The following SLCO1A2 variants were observed in gnomAD, a reference collection of about 807,000 sequenced individuals.
SLCO1A2 encodes OATP-1.
In SLCO1A2, 67 loss-of-function variants were observed where a neutral mutation model predicts 69.0. The ratio of observed to expected loss-of-function variants is 0.97; its 90% CI spans 0.80 to 1.19. The LOEUF (loss-of-function observed/expected upper bound fraction) is 1.19, where lower values mean the gene tolerates loss of function less well. Ranked by LOEUF, SLCO1A2 falls within the 50% of genes most tolerant of loss-of-function variation. The pLI is 0.00. For missense variants in SLCO1A2, 787 were observed against 793.7 expected, an observed-to-expected ratio of 0.99 and a Z score of 0.10; for synonymous variants, 260 against 265.9, an observed-to-expected ratio of 0.98 and a Z score of 0.22.
At chr12:21,270,634 T>C (rs1356545244) in intron 14 of SLCO1A2, among the ~76,000 whole-genome samples, 1 of 151,728 alleles carries the variant, frequency 6.6e-6, no homozygotes, top group African/African-American at 2.4e-5. Context: ...CCTTGGGAGA[T>C]GAGCACTTTT....
intron 7 of SLCO1A2, 111 bp downstream of exon 7, chr12:21,301,060 A>G (rs1948649502): frequency 3.6e-6 from 2 of 560,238 alleles, no homozygotes; most frequent in Non-Finnish European, 5.9e-6. Flanking sequence ...CTTTTAAAGT[A>G]GAGATCATTT....
chr12:21,369,584 A>T (rs1467849768), intron 2 of SLCO1A2, among the ~76,000 whole-genome samples: 2 of 152,236 alleles, frequency 1.3e-5, no homozygotes, highest in African/African-American at 4.8e-5. Flanking sequence ...GAGATATCAC[A>T]TATTATTCCA....
At chr12:21,365,551 A>T (rs1347807020) in intron 2 of SLCO1A2, among the ~76,000 whole-genome samples, 1 of 152,136 alleles carries the variant, frequency 6.6e-6, no homozygotes, top group Non-Finnish European at 1.5e-5. Context: ...ACAAATGGGA[A>T]CTAATTGAAC....
upstream of SLCO1A2, among the ~76,000 whole-genome samples, chr12:21,418,241 A>T (rs746788591): frequency 6.6e-6 from 1 of 152,208 alleles, no homozygotes; most frequent in Non-Finnish European, 1.5e-5. Flanking sequence ...TCCTGTCTGC[A>T]GAAAAATGTT....
chr12:21,376,952 T>C, intron 1 of SLCO1A2, among the ~76,000 whole-genome samples: 1 of 152,156 alleles, frequency 6.6e-6, no homozygotes, highest in East Asian at 1.9e-4. Flanking sequence ...GAGGAAGCAA[T>C]GTTATTATTC....
At chr12:21,323,666 G>A (rs1372770851) in intron 2 of SLCO1A2, among the ~76,000 whole-genome samples, 1 of 152,166 alleles carries the variant, frequency 6.6e-6, no homozygotes, top group African/African-American at 2.4e-5. Flanking sequence ...AGAAGGCTTT[G>A]TCACAAGGTA....
chr12:21,276,341 A>C (rs1943818369), intron 12 of SLCO1A2, among the ~76,000 whole-genome samples: 1 of 151,934 alleles, frequency 6.6e-6, no homozygotes. Flanking sequence ...ACATATACAT[A>C]TATACCTATC....
intron 1 of SLCO1A2, among the ~76,000 whole-genome samples, chr12:21,376,051 C>A (rs1940171890): frequency 6.6e-6 from 1 of 152,126 alleles, no homozygotes; most frequent in Admixed American, 6.5e-5. Context: ...AAAGCAATTT[C>A]ACAAATATGA....
At chr12:21,274,984 T>TATC (rs1943533388) in intron 13 of SLCO1A2, 1 of 1,024,824 alleles carries the variant, frequency 9.8e-7, no homozygotes, top group Admixed American at 5.1e-5. Context: ...AGAGATTCTC[T>TATC]ATCTCTTTGT....
At chr12:21,299,276 C>A (rs1016238470) in intron 8 of SLCO1A2, among the ~76,000 whole-genome samples, 1 of 152,052 alleles carries the variant, frequency 6.6e-6, no homozygotes, top group East Asian at 1.9e-4. Flanking sequence ...AGCATCAGTG[C>A]TCTTGAGTAC....
At chr12:21,378,668 G>A (rs1469793742) in intron 1 of SLCO1A2, 7 of 431,556 alleles carry the variant, frequency 1.6e-5, no homozygotes, top group African/African-American at 5.9e-5. Context: ...ACATAAGAAC[G>A]TCATTTTGGG....
rs138842745 is a variant in SLCO1A2, at chr12:21,417,012, G to A, written c.-312+870C>T. On this transcript the variant is annotated intron_variant, in intron 1 of 4. Transcript: ENST00000413682. ...TTTGAACTCAGTGATTGAGAATGTT[G>A]AGTCTTTGAACCTACTGATCTAGAA... Among the ~76,000 whole-genome samples the A allele has an allele frequency of 3.3e-3, 500 of 152,208 alleles. 3 individuals carry two copies. Among genetic ancestry groups the A allele is most frequent in the African/African-American group, 0.011 (457 of 41,538 alleles).
intron 1 of SLCO1A2, among the ~76,000 whole-genome samples, chr12:21,412,152 G>A (rs764378775): frequency 6.6e-6 from 1 of 152,144 alleles, no homozygotes; most frequent in Non-Finnish European, 1.5e-5. Context: ...AGGCCAAGGC[G>A]GGCGGATCAC....
intron 1 of SLCO1A2, among the ~76,000 whole-genome samples, chr12:21,416,639 A>C (rs1941993996): frequency 6.6e-6 from 1 of 151,926 alleles, no homozygotes; most frequent in South Asian, 2.1e-4. Flanking sequence ...ACAGGGTCTC[A>C]TGACATCGGA....
rs900549268 is a variant in SLCO1A2 at position 21,275,219 on chromosome 12, G to T, written c.1675+141C>A. 9 of 848,270 alleles carry T rather than the reference G, an allele frequency of 1.1e-5. No individual in the cohort carries two copies. The African/African-American group carries it at 1.6e-4, about 15-fold the overall frequency. 52.5% of individuals were successfully genotyped at this position (848,270 alleles called of 1,614,324 possible). On this transcript the variant is annotated intron_variant, in intron 13 of 14. Transcript: ENST00000683939. ...AATGTTAAATGATGAGTTAATGGGTGCAGCACACCAACATGGCACATGTAT... is the reference window on the plus strand; with the variant it reads ...AATGTTAAATGATGAGTTAATGGGTTCAGCACACCAACATGGCACATGTAT...
chr12:21,379,539 C>T (rs1940453250), intron 1 of SLCO1A2: 1 of 152,128 alleles, frequency 6.6e-6, no homozygotes, highest in African/African-American at 2.4e-5. Context: ...ACATTTCTGG[C>T]AGAGGTTATG....
At chr12:21,306,735 C>T (rs1405333579) in intron 5 of SLCO1A2, 147 bp downstream of exon 5, 8 of 522,700 alleles carry the variant, frequency 1.5e-5, no homozygotes, top group Non-Finnish European at 2.7e-5. Context: ...TTCTTATTGC[C>T]CATTGTAACT....
chr12:21,351,327 T>C (rs1231762335), intron 2 of SLCO1A2, among the ~76,000 whole-genome samples: 1 of 152,232 alleles, frequency 6.6e-6, no homozygotes, highest in Non-Finnish European at 1.5e-5. Context: ...TTTCTCCAAG[T>C]GTGGTCTATA....
At chr12:21,390,182 C>T (rs1018760821) in intron 1 of SLCO1A2, among the ~76,000 whole-genome samples, 1 of 151,926 alleles carries the variant, frequency 6.6e-6, no homozygotes, top group Non-Finnish European at 1.5e-5. Context: ...CAACTATTTA[C>T]TGCTAGAGTT....
Sources: allele counts gnomAD v4.1 joint callset (sites outside exome capture counted in the v4.1 genomes callset), GRCh38; gene constraint gnomAD v4.1.1; transcripts MANE v1.5; gene names NCBI Gene and HGNC (gene_info 2026-07-23, HGNC 2026-07-21).